PMEPA1: variants seen among roughly 807,000 people sequenced by gnomAD.
The protein encoded by PMEPA1 is protein TMEPAI.
PMEPA1 carries 11 observed loss-of-function variants against 23.0 expected under a neutral mutation model. The observed-to-expected ratio is 0.48, with a 90% CI of 0.30 to 0.79. The LOEUF (loss-of-function observed/expected upper bound fraction) is 0.79. Among genes scored for constraint, PMEPA1 ranks in the 30% least tolerant of loss-of-function variants. PMEPA1 has a pLI of 0.06. For synonymous variants in PMEPA1, 204 were observed against 166.4 expected (o/e 1.23, Z -1.74); for missense variants, 377 against 390.9 (o/e 0.96, Z 0.30).
At chr20:57,709,203 CG>C (rs1218207146) in intron 1 of PMEPA1, among the ~76,000 whole-genome samples, 2 of 151,208 alleles carry the variant, frequency 1.3e-5, no homozygotes, top group African/African-American at 4.8e-5. Flanking sequence ...CCGCGCCGTG[CG>C]CCGCCGCTGA....
Position 57,675,627 on chromosome 20 carries a change from G to A in PMEPA1, c.110-15930C>T, listed in dbSNP as rs533208584. On this transcript the variant is annotated intron_variant, in intron 1 of 3. Transcript: ENST00000341744. ...AATGCTGCTGGCCACACTGACAGTC[G>A]GCCCCTGAATGGATTGCCGGGCCCA... Among the ~76,000 whole-genome samples the A allele has an allele frequency of 1.5e-4, 23 of 152,268 alleles. No individual in the cohort carries two copies. The South Asian group carries it at 3.9e-3, about 26-fold the overall frequency.
intron 1 of PMEPA1, among the ~76,000 whole-genome samples, chr20:57,691,999 A>G (rs2146698636): frequency 6.6e-6 from 1 of 152,076 alleles, no homozygotes; most frequent in South Asian, 2.1e-4. Flanking sequence ...GAGCCTCCCA[A>G]CTTTTCACAT....
rs921994509 is a variant in PMEPA1, at chr20:57,655,653, A to C, written c.265-2567T>G. 8.5e-5 allele frequency among the ~76,000 whole-genome samples: 13 copies of C among 152,146 alleles called. No individual in the cohort carries two copies. Among genetic ancestry groups the C allele is most frequent in the Admixed American group, 8.5e-4 (13 of 15,278 alleles). On this transcript the variant is annotated intron_variant, in intron 2 of 3. Transcript: ENST00000341744. This position sits in a 1 kb window ranked among gnomAD's most constrained non-coding sequence, Gnocchi z 4.2. ...CAGGTGGAGGACAAGGACAGGTTCC[A>C]ATCCTACAGCCACTGCTGACGAGCC... is the stretch of plus-strand genomic sequence containing the variant.
At chr20:57,699,041 G>A (rs1031180204) in intron 1 of PMEPA1, among the ~76,000 whole-genome samples, 28 of 152,192 alleles carry the variant, frequency 1.8e-4, no homozygotes, top group Admixed American at 3.3e-4. Context: ...GAAGAAAGGC[G>A]TTTGCTGTGG....
intron 1 of PMEPA1, among the ~76,000 whole-genome samples, chr20:57,700,922 T>G (rs886877411): frequency 6.6e-6 from 1 of 151,896 alleles, no homozygotes; most frequent in Non-Finnish European, 1.5e-5. Flanking sequence ...CCCAGCTACT[T>G]GGGAGACTGA....
Position 57,652,307 on chromosome 20 carries a change from C to A in PMEPA1, c.610G>T (p.Gly204Cys). 3 of 1,610,992 alleles carry A rather than the reference C, an allele frequency of 1.9e-6. No homozygotes were observed. The highest frequency in any genetic ancestry group is 2.5e-6 in the Non-Finnish European group (3 of 1,179,770). ...GAGTTACTGCTGGGGGGGCAGGGGC[C>A]GCCCAGCCTGGCACTATCCATCAGG... Reference protein sequence around the residue: ...SDLMDSARLGGPCPPSSNSGI... With the variant: ...SDLMDSARLGCPCPPSSNSGI... Residue 204 changes from glycine (G) to cysteine (C), a missense_variant, in exon 4 of 4, where the codon GGC (glycine) becomes TGC (cysteine). Coordinates refer to ENST00000341744, the MANE Select transcript of PMEPA1 (RefSeq NM_020182.5). The surrounding 1 kb of genome is among the most constrained non-coding windows in gnomAD (Gnocchi z 6.1).
chr20:57,683,173 A>T lies in PMEPA1; in HGVS notation c.110-23476T>A, dbSNP rs187392090. ...GCACGGATATCCCCCACTGCTTTTT[A>T]AAAAGAAAAAGAAGGCCAGGAGACA... On this transcript the variant is annotated intron_variant, in intron 1 of 3. Coordinates refer to ENST00000341744, the MANE Select transcript of PMEPA1 (RefSeq NM_020182.5). The surrounding 1 kb of genome is among the most constrained non-coding windows in gnomAD (Gnocchi z 4.3). Among the ~76,000 whole-genome samples the T allele has an allele frequency of 7.3e-3, 1,115 of 152,300 alleles. 7 individuals carry two copies. Among genetic ancestry groups the T allele is most frequent in the Non-Finnish European group, 0.012 (803 of 68,028 alleles).
chr20:57,661,673 C>T (rs2071420884), intron 1 of PMEPA1, among the ~76,000 whole-genome samples: 1 of 152,166 alleles, frequency 6.6e-6, no homozygotes, highest in African/African-American at 2.4e-5. Context: ...GAGCCGATGC[C>T]AGGCGCTCGG....
intron 1 of PMEPA1, among the ~76,000 whole-genome samples, chr20:57,699,754 G>A (rs1317674184): frequency 6.6e-6 from 1 of 152,202 alleles, no homozygotes; most frequent in Non-Finnish European, 1.5e-5. Context: ...GACATGGCCT[G>A]GAAAATCTGA....
In PMEPA1 at chr20:57,665,839, G is replaced by C. The variant is rs145002351; in HGVS notation, c.110-6142C>G. 9.0e-3 allele frequency among the ~76,000 whole-genome samples: 1,368 copies of C among 152,246 alleles called. 12 individuals carry two copies. Among genetic ancestry groups the C allele is most frequent in the Middle Eastern group, 0.024 (7 of 294 alleles). On this transcript the variant is annotated intron_variant, in intron 1 of 3. Coordinates refer to ENST00000341744, the MANE Select transcript of PMEPA1 (RefSeq NM_020182.5). ...GGGGCTAACATGCGCTGGATCCCAT[G>C]TTTATATTGGTGCCGCTTCATACAC... is the stretch of plus-strand genomic sequence containing the variant.
At chr20:57,663,409 G>A (rs1001317552) in intron 1 of PMEPA1, among the ~76,000 whole-genome samples, 48 of 152,178 alleles carry the variant, frequency 3.2e-4, no homozygotes, top group African/African-American at 1.1e-3. Context: ...GTCTCCCTGT[G>A]TCAGCGGGGG....
rs565467917 is a variant in PMEPA1, at chr20:57,652,615, G to A, written c.319-17C>T. ...GACCTGCGGCTGGAGGAAGCAGAGCGGGAGTGAGGGAGGGCGGCTGTCTCA... is the reference window on the plus strand; with the variant it reads ...GACCTGCGGCTGGAGGAAGCAGAGCAGGAGTGAGGGAGGGCGGCTGTCTCA... On this transcript the variant is annotated splice_polypyrimidine_tract_variant and intron_variant, in intron 3 of 3. Transcript: ENST00000341744. This position sits in a 1 kb window ranked among gnomAD's most constrained non-coding sequence, Gnocchi z 6.1. The A allele has an allele frequency of 3.4e-6, 5 of 1,452,222 alleles. No homozygotes were observed. Among genetic ancestry groups the A allele is most frequent in the Non-Finnish European group, 4.5e-6 (5 of 1,104,410 alleles). The allele number at this position is 1,452,222 out of a possible 1,614,324, so 90.0% of individuals were successfully genotyped here.
chr20:57,711,082 G>A (rs570699380), upstream of PMEPA1: 2 of 152,342 alleles, frequency 1.3e-5, no homozygotes, highest in East Asian at 3.9e-4. Context: ...TCACACAGTG[G>A]TGGAGCCTGT....
At chr20:57,661,850 G>A (rs960504110) in intron 1 of PMEPA1, among the ~76,000 whole-genome samples, 4 of 152,208 alleles carry the variant, frequency 2.6e-5, no homozygotes, top group Non-Finnish European at 5.9e-5. Flanking sequence ...CCACACCTGT[G>A]TCCACTGCCA....
chr20:57,699,214 C>T (rs1438070075), intron 1 of PMEPA1, among the ~76,000 whole-genome samples: 1 of 152,182 alleles, frequency 6.6e-6, no homozygotes, highest in Non-Finnish European at 1.5e-5. Flanking sequence ...GCCTAGTGGG[C>T]AGCTTGATGC....
chr20:57,653,428 C>T (rs891394918), intron 2 of PMEPA1, among the ~76,000 whole-genome samples: 3 of 152,222 alleles, frequency 2.0e-5, no homozygotes, highest in Admixed American at 6.5e-5. Flanking sequence ...AACATGGCCT[C>T]AGCCCCTCAC....
chr20:57,680,939 C>A (rs1300199512), intron 1 of PMEPA1, among the ~76,000 whole-genome samples: 1 of 152,216 alleles, frequency 6.6e-6, no homozygotes. Context: ...AAGCACAGGT[C>A]CTTCTCTGGA....
chr20:57,654,807 G>A (rs558012822), intron 2 of PMEPA1, among the ~76,000 whole-genome samples: 2 of 152,244 alleles, frequency 1.3e-5, no homozygotes, highest in Admixed American at 6.5e-5. Context: ...GCGAGCCTGC[G>A]TGTCTCACCA....
chr20:57,674,008 T>G (rs2071603425), intron 1 of PMEPA1, among the ~76,000 whole-genome samples: 1 of 152,202 alleles, frequency 6.6e-6, no homozygotes, highest in African/African-American at 2.4e-5. Flanking sequence ...GGGTTGTTGC[T>G]AATAGTAACA....
Sources: allele counts gnomAD v4.1 joint callset (sites outside exome capture counted in the v4.1 genomes callset), GRCh38; gene constraint gnomAD v4.1.1; non-coding constraint Gnocchi (gnomAD v3.1); transcripts MANE v1.5; gene names NCBI Gene and HGNC (gene_info 2026-07-23, HGNC 2026-07-21).